KAT2B: variants seen among roughly 807,000 people sequenced by gnomAD.
KAT2B encodes lysine acetyltransferase 2B.
Under a neutral mutation model 105.9 loss-of-function variants are expected in KAT2B, and 36 were observed. That is an observed-to-expected ratio of 0.34 (90% confidence interval 0.26 to 0.45). The LOEUF is 0.45. KAT2B is among the 20% of genes least tolerant of loss of function. The pLI is 1.00. For missense variants in KAT2B, 820 were observed against 1,021.6 expected (o/e 0.80, Z 2.69); for synonymous variants, 397 against 377.9 (o/e 1.05, Z -0.59).
intron 13 of KAT2B, among the ~76,000 whole-genome samples, chr3:20,142,390 T>G (rs2125193523): frequency 6.6e-6 from 1 of 152,270 alleles, no homozygotes; most frequent in South Asian, 2.1e-4. Flanking sequence ...TGGATTCATG[T>G]AGTATTTTTT....
intron 13 of KAT2B, among the ~76,000 whole-genome samples, chr3:20,141,619 T>C (rs1022103028): frequency 6.6e-6 from 1 of 152,206 alleles, no homozygotes; most frequent in Admixed American, 6.5e-5. Flanking sequence ...TGGTTTCTAC[T>C]AACCTCCTTA....
rs1489135062 is a variant in KAT2B at position 20,132,641 on chromosome 3, A to C, written c.1750-4301A>C. On this transcript the variant is annotated intron_variant, in intron 11 of 17. Coordinates refer to ENST00000263754, the MANE Select transcript of KAT2B (RefSeq NM_003884.5). ...ACTTAAACTACCATGACTGCTAGTC[A>C]CAAATACTAGCTAGATACAGAGGAA... 2.0e-5 allele frequency among the ~76,000 whole-genome samples: 3 copies of C among 152,336 alleles called. No individual in the cohort carries two copies. The South Asian group carries it at 6.2e-4, about 32-fold the overall frequency.
At chr3:20,147,356 G>GTT (rs72120274) in intron 14 of KAT2B, among the ~76,000 whole-genome samples, 2 of 142,002 alleles carry the variant, frequency 1.4e-5, no homozygotes, top group African/African-American at 2.6e-5. Context: ...ATCTGTTTTT[G>GTT]TTTTTTTTTT....
At chr3:20,082,785 C>T (rs1394800636) in intron 2 of KAT2B, among the ~76,000 whole-genome samples, 1 of 152,154 alleles carries the variant, frequency 6.6e-6, no homozygotes, top group African/African-American at 2.4e-5. Context: ...AAAAATCCCT[C>T]CCCACCAAAT....
intron 2 of KAT2B, among the ~76,000 whole-genome samples, chr3:20,090,022 A>G (rs1416385282): frequency 2.0e-5 from 3 of 151,088 alleles, no homozygotes; most frequent in Non-Finnish European, 4.4e-5. Context: ...AAAAAAAAAA[A>G]CGAATGGTAC....
intron 2 of KAT2B, among the ~76,000 whole-genome samples, chr3:20,082,918 G>C (rs1223704497): frequency 6.6e-6 from 1 of 152,144 alleles, no homozygotes; most frequent in Non-Finnish European, 1.5e-5. Context: ...AGGTACACAG[G>C]AGATCAAATA....
chr3:20,085,200 A>T (rs2365365), intron 2 of KAT2B, among the ~76,000 whole-genome samples: 66,091 of 151,434 alleles, frequency 0.44, 16,748 homozygotes, highest in African/African-American at 0.69. Flanking sequence ...TATTAATTTA[A>T]AAAAAAAGTT....
rs778860966 is a variant in KAT2B, at chr3:20,111,648, G to A, written c.904G>A (p.Glu302Lys). 27 of 1,613,844 alleles carry A rather than the reference G, an allele frequency of 1.7e-5. No homozygotes were observed. The highest frequency in any genetic ancestry group is 1.3e-4 in the Admixed American group (8 of 59,976). ...PQFCDSLPRY[E>K]TTQVFGRTLL... ...GTTCTGCGACAGTCTACCTCGGTAC[G>A]AAACCACACAGGTGTTTGGGAGAAC... is the stretch of plus-strand genomic sequence containing the variant. The change falls in exon 6 of 18, where the codon GAA becomes AAA. Residue 302 changes from glutamate to lysine, a missense_variant. Physicochemically the swap from Glu to Lys is moderately conservative, Grantham distance 56. Transcript: ENST00000263754.
At chr3:20,042,829 C>T (rs1697742966) in intron 1 of KAT2B, among the ~76,000 whole-genome samples, 1 of 152,084 alleles carries the variant, frequency 6.6e-6, no homozygotes. Context: ...TGTAGCACCA[C>T]TTCCAAGTGG....
rs757377789 is a variant in KAT2B, at chr3:20,126,023, T to C, written c.1532T>C (p.Ile511Thr). Residue 511 changes from isoleucine (I) to threonine (T), a missense_variant, in exon 10 of 18, where the codon ATC becomes ACC. Coordinates refer to ENST00000263754, the MANE Select transcript of KAT2B (RefSeq NM_003884.5). ...CTCAACCAGAAACCAAACAAGAAGA[T>C]CCTGATGTGGCTGGTTGGCCTACAG... is the stretch of plus-strand genomic sequence containing the variant. ...NSLNQKPNKK[I>T]LMWLVGLQNV... is the part of the protein sequence containing the mutation. The C allele has an allele frequency of 2.0e-5, 33 of 1,614,080 alleles. No individual in the cohort carries two copies. The highest frequency in any genetic ancestry group is 2.7e-5 in the Non-Finnish European group (32 of 1,180,002).
intron 12 of KAT2B, among the ~76,000 whole-genome samples, chr3:20,139,263 T>A (rs1045604887): frequency 6.6e-6 from 1 of 152,152 alleles, no homozygotes; most frequent in Non-Finnish European, 1.5e-5. Context: ...AGAAAGCTTT[T>A]TGTGCTCTGA....
In KAT2B at chr3:20,086,825, A is replaced by AGTCTC. The variant is rs1559307955; in HGVS notation, c.431-8437_431-8436insTCTCG. On this transcript the variant is annotated intron_variant, in intron 2 of 17. Coordinates refer to ENST00000263754, the MANE Select transcript of KAT2B (RefSeq NM_003884.5). ...TTTTTTTTTTGAGATGGAGTCTCGCAGGCTGGAGTGCAGTGGTGCAATCTC... is the reference window on the plus strand; with the variant it reads ...TTTTTTTTTTGAGATGGAGTCTCGCAGTCTCGGCTGGAGTGCAGTGGTGCAATCTC... 9.1e-4 allele frequency among the ~76,000 whole-genome samples: 135 copies of AGTCTC among 148,122 alleles called. 1 individual carries two copies. Among genetic ancestry groups the AGTCTC allele is most frequent in the African/African-American group, 3.2e-3 (125 of 39,622 alleles).
chr3:20,054,082 GC>G (rs772417989), intron 1 of KAT2B, among the ~76,000 whole-genome samples: 1 of 152,046 alleles, frequency 6.6e-6, no homozygotes, highest in Non-Finnish European at 1.5e-5. Context: ...ACAGGCATGA[GC>G]CATTGTGTCC....
At position 20,040,477 on chromosome 3, in the gene KAT2B, C is replaced by T; in HGVS notation, c.-1C>T. ...CGCCTCCTGCCGTGCTCCGGGGCGG[C>T]ATGTCCGAGGCTGGCGGGGCCGGGC... On this transcript the variant is annotated 5_prime_UTR_variant, in exon 1 of 18. Coordinates refer to ENST00000263754, the MANE Select transcript of KAT2B (RefSeq NM_003884.5). 9.4e-7 allele frequency: 1 copy of T among 1,063,378 alleles called. No individual in the cohort carries two copies. Among genetic ancestry groups the T allele is most frequent in the Non-Finnish European group, 1.1e-6 (1 of 882,342 alleles). The allele number at this position is 1,063,378 out of a possible 1,614,324, so 65.9% of individuals were successfully genotyped here. A position where few individuals can be genotyped will look rare whatever the true frequency, so the allele number is the denominator to read the frequency against.
At chr3:20,150,199 A>G (rs961250080) in intron 17 of KAT2B, among the ~76,000 whole-genome samples, 12 of 152,182 alleles carry the variant, frequency 7.9e-5, no homozygotes, top group African/African-American at 2.9e-4. Context: ...TTAAAGCTAT[A>G]AATGGTGTTC....
intron 13 of KAT2B, among the ~76,000 whole-genome samples, chr3:20,141,134 C>A (rs1197194926): frequency 1.3e-5 from 2 of 152,124 alleles, no homozygotes; most frequent in Non-Finnish European, 2.9e-5. Context: ...TCTCTAGCAC[C>A]AGTTTGATCC....
intron 5 of KAT2B, among the ~76,000 whole-genome samples, chr3:20,105,333 A>C (rs1015484351): frequency 5.9e-5 from 9 of 152,246 alleles, no homozygotes; most frequent in African/African-American, 1.7e-4. Context: ...AAATAACCTA[A>C]AAAGAAAGTG....
intron 1 of KAT2B, among the ~76,000 whole-genome samples, chr3:20,061,918 A>G (rs370374562): frequency 0.19 from 17,709 of 95,698 alleles, 2,616 homozygotes; most frequent in Non-Finnish European, 0.26. Flanking sequence ...TAAAATATGT[A>G]TTATATATCA....
At chr3:20,088,365 A>C (rs563123520) in intron 2 of KAT2B, among the ~76,000 whole-genome samples, 16 of 152,294 alleles carry the variant, frequency 1.1e-4, no homozygotes, top group African/African-American at 3.6e-4. Context: ...ACTAATTTAC[A>C]TTCCCACCAA....
Sources: allele counts gnomAD v4.1 joint callset (sites outside exome capture counted in the v4.1 genomes callset), GRCh38; gene constraint gnomAD v4.1.1; transcripts MANE v1.5; gene names NCBI Gene and HGNC (gene_info 2026-07-23, HGNC 2026-07-21).